The following AGPS variants were observed in gnomAD, a reference collection of about 807,000 sequenced individuals.
The protein encoded by AGPS is alkyldihydroxyacetonephosphate synthase, peroxisomal.
AGPS carries 26 observed loss-of-function variants against 90.7 expected under a neutral mutation model. The ratio of observed to expected loss-of-function variants is 0.29; its 90% CI spans 0.21 to 0.40. The LOEUF (loss-of-function observed/expected upper bound fraction) is 0.40, where lower values mean the gene tolerates loss of function less well. Among genes scored for constraint, AGPS ranks in the 10% least tolerant of loss-of-function variants. AGPS has a pLI of 1.00. For synonymous variants in AGPS, 294 were observed against 285.3 expected (o/e 1.03, Z -0.31); for missense variants, 540 against 816.1 (o/e 0.66, Z 4.12).
intron 2 of AGPS, among the ~76,000 whole-genome samples, chr2:177,426,785 A>G (rs1190667154): frequency 6.6e-6 from 1 of 151,852 alleles, no homozygotes; most frequent in African/African-American, 2.4e-5. Context: ...TTTATTTAGG[A>G]TTTTTGCATT....
chr2:177,412,569 C>G (rs965047982), intron 1 of AGPS, among the ~76,000 whole-genome samples: 2 of 152,138 alleles, frequency 1.3e-5, no homozygotes, highest in African/African-American at 4.8e-5. Context: ...GTATTTTCCT[C>G]TGATTCTAAG....
At chr2:177,412,613 T>C (rs1289295168) in intron 1 of AGPS, among the ~76,000 whole-genome samples, 2 of 152,178 alleles carry the variant, frequency 1.3e-5, no homozygotes, top group Non-Finnish European at 2.9e-5. Context: ...CCAATATTAC[T>C]CACCGCTTTG....
intron 10 of AGPS, among the ~76,000 whole-genome samples, chr2:177,481,390 G>GT (rs1322793903): frequency 1.3e-5 from 2 of 149,708 alleles, no homozygotes; most frequent in Non-Finnish European, 3.0e-5. Context: ...GTTTTGTTTT[G>GT]TTTTTTTGTT....
intron 19 of AGPS, among the ~76,000 whole-genome samples, chr2:177,537,275 T>C (rs1306012228): frequency 1.3e-5 from 2 of 152,160 alleles, no homozygotes; most frequent in Non-Finnish European, 2.9e-5. Flanking sequence ...ATGTTTTTCA[T>C]TGAGTACCTT....
intron 13 of AGPS, among the ~76,000 whole-genome samples, chr2:177,498,588 C>T (rs1156283025): frequency 6.6e-6 from 1 of 150,646 alleles, no homozygotes; most frequent in Admixed American, 6.6e-5. Flanking sequence ...TGATCAGGGC[C>T]ATTTTCTTCA....
chr2:177,414,881 G>A (rs1328859371), intron 1 of AGPS, among the ~76,000 whole-genome samples: 1 of 103,144 alleles, frequency 9.7e-6, no homozygotes, highest in Non-Finnish European at 2.1e-5. Context: ...CTATCCCATG[G>A]GTGCCTATGA....
At chr2:177,479,782 G>T (rs1370288763) in intron 10 of AGPS, among the ~76,000 whole-genome samples, 1 of 152,192 alleles carries the variant, frequency 6.6e-6, no homozygotes, top group Non-Finnish European at 1.5e-5. Flanking sequence ...AGTAGAAATG[G>T]AGAGGGTTTG....
At chr2:177,466,560 C>T (rs1687453932) in intron 9 of AGPS, among the ~76,000 whole-genome samples, 1 of 152,216 alleles carries the variant, frequency 6.6e-6, no homozygotes, top group South Asian at 2.1e-4. Context: ...CTAAGGGCCT[C>T]CTGCAGGCCA....
At chr2:177,500,487 G>A (rs1398298351) in intron 14 of AGPS, among the ~76,000 whole-genome samples, 1 of 151,132 alleles carries the variant, frequency 6.6e-6, no homozygotes, top group Non-Finnish European at 1.5e-5. Context: ...CTTTTTCATT[G>A]TTTTTTAAGA....
chr2:177,524,072 C>T (rs1480942139), intron 19 of AGPS, among the ~76,000 whole-genome samples: 1 of 152,028 alleles, frequency 6.6e-6, no homozygotes, highest in Non-Finnish European at 1.5e-5. Flanking sequence ...AGAGAATAGC[C>T]CAGCTTGCCT....
chr2:177,453,291 CAG>C (rs1337956203), intron 8 of AGPS, among the ~76,000 whole-genome samples: 6 of 148,914 alleles, frequency 4.0e-5, no homozygotes, highest in African/African-American at 7.5e-5. Context: ...TTCTTTGAGA[CAG>C]AGAGTTTCAC....
intron 7 of AGPS, among the ~76,000 whole-genome samples, chr2:177,444,077 G>T (rs1686693629): frequency 6.6e-6 from 1 of 152,024 alleles, no homozygotes. Context: ...ACTGTCTTTT[G>T]TTTAGCTGCC....
intron 1 of AGPS, among the ~76,000 whole-genome samples, chr2:177,399,646 G>A (rs1271158429): frequency 6.6e-6 from 1 of 152,076 alleles, no homozygotes; most frequent in African/African-American, 2.4e-5. Context: ...CAAAACAGTA[G>A]AGAGAGAACT....
chr2:177,439,235 A>G (rs1686520175), intron 5 of AGPS, among the ~76,000 whole-genome samples: 2 of 152,222 alleles, frequency 1.3e-5, no homozygotes, highest in Admixed American at 1.3e-4. Flanking sequence ...CCGTGCTCTC[A>G]AGTGCCATAC....
intron 8 of AGPS, among the ~76,000 whole-genome samples, chr2:177,448,196 T>G (rs1209390867): frequency 6.6e-6 from 1 of 152,174 alleles, no homozygotes; most frequent in Non-Finnish European, 1.5e-5. Flanking sequence ...TGTGTGACCT[T>G]GGGCAAGTTA....
chr2:177,515,759 G>C (rs1244683261), intron 17 of AGPS, among the ~76,000 whole-genome samples: 1 of 152,050 alleles, frequency 6.6e-6, no homozygotes, highest in Non-Finnish European at 1.5e-5. Context: ...TTTTAAGAAT[G>C]GTTTTCCTAT....
intron 19 of AGPS, 21 bp downstream of exon 19, chr2:177,523,826 A>C (rs1367889155): frequency 1.3e-6 from 2 of 1,588,342 alleles, no homozygotes; most frequent in Non-Finnish European, 1.7e-6. Context: ...TTGGGAGTAG[A>C]ATTTCTAATA....
At position 177,538,274 on chromosome 2, in the gene AGPS, T is replaced by G. The variant is rs1018041399; in HGVS notation, c.*79T>G. 8 of 1,381,748 alleles carry G rather than the reference T, an allele frequency of 5.8e-6. No individual in the cohort carries two copies. Among genetic ancestry groups the G allele is most frequent in the Non-Finnish European group, 8.2e-6 (8 of 977,540 alleles). 85.6% of individuals were successfully genotyped at this position (1,381,748 alleles called of 1,614,324 possible). On this transcript the variant is annotated 3_prime_UTR_variant, in exon 20 of 20. Transcript: ENST00000264167. ...GTGGTTATACTAGTAATCAAATATA[T>G]CATGGACTATATTTTGGATACATTT...
Position 177,542,426 on chromosome 2 carries a change from A to G in AGPS, c.*4231A>G, listed in dbSNP as rs1306318932. ...AATTAATTCCTTAACAAATCAGAGT[A>G]AGGACCACTGACATATAGAACCCTC... On this transcript the variant is annotated 3_prime_UTR_variant, in exon 20 of 20. Transcript: ENST00000264167. The G allele has an allele frequency of 6.6e-6, 1 of 152,198 alleles. No homozygotes were observed. Among genetic ancestry groups the G allele is most frequent in the African/African-American group, 2.4e-5 (1 of 41,446 alleles). The allele number at this position is 152,198 out of a possible 1,614,324, so 9.4% of individuals were successfully genotyped here.
Sources: allele counts gnomAD v4.1 joint callset (sites outside exome capture counted in the v4.1 genomes callset), GRCh38; gene constraint gnomAD v4.1.1; transcripts MANE v1.5; gene names NCBI Gene and HGNC (gene_info 2026-07-23, HGNC 2026-07-21).